Variants in CNTNAP3 observed in about 807,000 individuals in gnomAD.
The protein encoded by CNTNAP3 is contactin-associated protein-like 3.
CNTNAP3 carries 36 observed loss-of-function variants against 92.1 expected under a neutral mutation model. The ratio of observed to expected loss-of-function variants is 0.39; its 90% confidence interval spans 0.30 to 0.52. The LOEUF (loss-of-function observed/expected upper bound fraction) is 0.52, where lower values mean the gene tolerates loss of function less well. Among genes scored for constraint, CNTNAP3 ranks in the 20% least tolerant of loss-of-function variants. CNTNAP3 has a pLI of 0.76. For missense variants in CNTNAP3, 534 were observed against 1,069.6 expected (o/e 0.50, Z 6.98); for synonymous variants, 232 against 422.3 (o/e 0.55, Z 5.53).
At chr9:39,112,515 G>A (rs150661979) in intron 14 of CNTNAP3, among the ~76,000 whole-genome samples, 7,630 of 152,098 alleles carry the variant, frequency 0.05, 216 homozygotes, top group South Asian at 0.086. Context: ...ACAGGCGTGC[G>A]CCACTATGCT....
At position 39,070,517 on chromosome 9, in the gene CNTNAP3, A is replaced by G. The variant is rs1825614066; in HGVS notation, c.*3373T>C. 6.8e-6 allele frequency among the ~76,000 whole-genome samples: 1 copy of G among 148,022 alleles called. No individual in the cohort carries two copies. The highest frequency in any genetic ancestry group is 2.0e-4 in the East Asian group (1 of 5,030). On this transcript the variant is annotated 3_prime_UTR_variant, in exon 24 of 24. Transcript: ENST00000297668. Reference sequence around the variant, plus strand: ...AAGGATGGTTAGTAAAGGCTGAAAAAAGTAGTAGACAGCTGAGATAATGGT... The same window carrying G: ...AAGGATGGTTAGTAAAGGCTGAAAAGAGTAGTAGACAGCTGAGATAATGGT...
chr9:39,253,163 TATATACAC>T (rs1238088871), intron 2 of CNTNAP3, among the ~76,000 whole-genome samples: 368 of 8,892 alleles, frequency 0.041, 162 homozygotes, highest in African/African-American at 0.046. Context: ...TATATATATA[TATATACAC>T]ACACACACAC....
intron 12 of CNTNAP3, among the ~76,000 whole-genome samples, chr9:39,139,204 C>G (rs1042289493): frequency 6.6e-6 from 1 of 152,074 alleles, no homozygotes; most frequent in African/African-American, 2.4e-5. Flanking sequence ...GTAGATACTT[C>G]CCTAACCAAC....
chr9:39,083,916 CTTCA>C (rs1826006699), intron 21 of CNTNAP3, among the ~76,000 whole-genome samples: 1 of 151,702 alleles, frequency 6.6e-6, no homozygotes, highest in Non-Finnish European at 1.5e-5. Context: ...TCTGAATGGT[CTTCA>C]TTCACTAAGA....
rs1374325132 is a variant in CNTNAP3, at chr9:39,140,593, G to A, written c.1802C>T (p.Pro601Leu). 12 of 1,613,496 alleles carry A rather than the reference G, an allele frequency of 7.4e-6. No individual in the cohort carries two copies. The East Asian group carries it at 1.6e-4, about 21-fold the overall frequency. Residue 601 changes from proline to leucine, a missense_variant, in exon 12 of 24, where the codon CCG becomes CTG. Pro to Leu is a moderately conservative substitution (Grantham distance 98, BLOSUM62 -3). Transcript: ENST00000297668. ...SCEAHKHRGN[P>L]SGLYYIDADG... ...TGCATCAATATAGTAAAGCCCAGAC[G>A]GGTTCCCTCGGTGCTTGTGGGCTTC...
chr9:39,070,755 A>C lies in CNTNAP3; in HGVS notation c.*3135T>G, dbSNP rs1825619414. Among the ~76,000 whole-genome samples, 2 of 152,274 alleles carry C rather than the reference A, an allele frequency of 1.3e-5. No individual in the cohort carries two copies. The highest frequency in any genetic ancestry group is 4.8e-5 in the African/African-American group (2 of 41,474). ...CCATGATGTGCTTATTTCACAGTGC[A>C]TGCCTGTATCAAAACATTTCATGTA... On this transcript the variant is annotated 3_prime_UTR_variant, in exon 24 of 24. Transcript: ENST00000297668.
intron 13 of CNTNAP3, among the ~76,000 whole-genome samples, chr9:39,130,402 T>A (rs1014628935): frequency 6.6e-6 from 1 of 151,478 alleles, no homozygotes; most frequent in African/African-American, 2.4e-5. Context: ...GTACATACTA[T>A]ATAATTTCAT....
chr9:39,137,606 G>A (rs1207442617), intron 12 of CNTNAP3, among the ~76,000 whole-genome samples: 9 of 151,934 alleles, frequency 5.9e-5, no homozygotes, highest in African/African-American at 1.2e-4. Flanking sequence ...TCCGCCTCCC[G>A]GATTCATGCC....
intron 18 of CNTNAP3, among the ~76,000 whole-genome samples, chr9:39,092,034 A>G (rs1434496635): frequency 6.7e-6 from 1 of 149,734 alleles, no homozygotes. Context: ...ATTTTTTTCA[A>G]CATACAGTTG....
intron 23 of CNTNAP3, among the ~76,000 whole-genome samples, chr9:39,077,428 G>A (rs1825807214): frequency 6.6e-6 from 1 of 151,894 alleles, no homozygotes. Context: ...GTGGTGGCGG[G>A]CGCCTGTAGT....
intron 14 of CNTNAP3, among the ~76,000 whole-genome samples, chr9:39,114,696 T>A (rs1820812885): frequency 6.6e-6 from 1 of 152,178 alleles, no homozygotes; most frequent in African/African-American, 2.4e-5. Flanking sequence ...TACTCATATT[T>A]ATTATGATTA....
At chr9:39,095,929 A>AAG (rs1365934657) in intron 18 of CNTNAP3, among the ~76,000 whole-genome samples, 1 of 151,632 alleles carries the variant, frequency 6.6e-6, no homozygotes, top group African/African-American at 2.4e-5. Flanking sequence ...AATCTGAGAA[A>AAG]AAAAAAGATC....
At chr9:39,093,462 C>A (rs573145912) in intron 18 of CNTNAP3, among the ~76,000 whole-genome samples, 2 of 150,970 alleles carry the variant, frequency 1.3e-5, no homozygotes, top group African/African-American at 4.9e-5. Context: ...ATTATCACCT[C>A]TTTTGATACC....
At chr9:39,123,962 G>A (rs1821097925) in intron 13 of CNTNAP3, among the ~76,000 whole-genome samples, 1 of 151,698 alleles carries the variant, frequency 6.6e-6, no homozygotes, top group Non-Finnish European at 1.5e-5. Flanking sequence ...AAACAATATA[G>A]GTCAAAAACA....
intron 12 of CNTNAP3, among the ~76,000 whole-genome samples, chr9:39,135,604 C>G (rs1394899215): frequency 1.3e-5 from 2 of 152,150 alleles, no homozygotes; most frequent in Non-Finnish European, 2.9e-5. Context: ...AGATGTTCCT[C>G]AATTTATGAT....
chr9:39,124,904 T>C (rs1341561836), intron 13 of CNTNAP3, among the ~76,000 whole-genome samples: 3 of 152,036 alleles, frequency 2.0e-5, no homozygotes, highest in South Asian at 2.1e-4. Flanking sequence ...TTTTACACTG[T>C]TGGTGGGACT....
intron 15 of CNTNAP3, among the ~76,000 whole-genome samples, chr9:39,105,519 A>G (rs1758527): frequency 3.0e-4 from 45 of 151,538 alleles, no homozygotes; most frequent in African/African-American, 8.8e-4. Context: ...GTTTATTCAC[A>G]TCACTCTTGA....
chr9:39,110,346 T>C (rs997132602), intron 14 of CNTNAP3, among the ~76,000 whole-genome samples: 1 of 152,070 alleles, frequency 6.6e-6, no homozygotes, highest in Non-Finnish European at 1.5e-5. Flanking sequence ...TAGTGAGCCA[T>C]GTGTGCGCCA....
rs1231900923 is a variant in CNTNAP3, at chr9:39,073,770, A to G, written c.*120T>C. 1 of 1,593,628 alleles carries G rather than the reference A, an allele frequency of 6.3e-7. No individual in the cohort carries two copies. The highest frequency in any genetic ancestry group is 1.7e-5 in the Admixed American group (1 of 59,954). Reference sequence around the variant, plus strand: ...CCTGCTTGTGTGCACCCTGATGGCAACAGCAGGGAAGTCCACAGTCACGAT... The same window carrying G: ...CCTGCTTGTGTGCACCCTGATGGCAGCAGCAGGGAAGTCCACAGTCACGAT... On this transcript the variant is annotated 3_prime_UTR_variant, in exon 24 of 24. Coordinates refer to ENST00000297668, the MANE Select transcript of CNTNAP3 (RefSeq NM_033655.5).
Sources: allele counts gnomAD v4.1 joint callset (sites outside exome capture counted in the v4.1 genomes callset), GRCh38; gene constraint gnomAD v4.1.1; transcripts MANE v1.5; gene names NCBI Gene and HGNC (gene_info 2026-07-23, HGNC 2026-07-21).